CACNA2D3: variants seen among roughly 807,000 people sequenced by gnomAD.
CACNA2D3 encodes calcium voltage-gated channel auxiliary subunit alpha2delta 3.
CACNA2D3 carries 60 observed loss-of-function variants against 160.6 expected under a neutral mutation model. The observed-to-expected ratio is 0.37, with a 90% confidence interval of 0.30 to 0.46. The LOEUF (loss-of-function observed/expected upper bound fraction) is 0.46, where lower values mean the gene tolerates loss of function less well. Among genes scored for constraint, CACNA2D3 ranks in the 20% least tolerant of loss-of-function variants. CACNA2D3 has a pLI of 1.00. For missense variants in CACNA2D3, 1,205 were observed against 1,365.0 expected (o/e 0.88, Z 1.85); for synonymous variants, 558 against 492.9 (o/e 1.13, Z -1.75).
chr3:54,684,787 A>G (rs1700419564), intron 11 of CACNA2D3, among the ~76,000 whole-genome samples: 3 of 152,200 alleles, frequency 2.0e-5, no homozygotes, highest in Admixed American at 2.0e-4. Context: ...GAAGTTCTCA[A>G]GTGAACACAA....
At chr3:54,353,415 C>T (rs1698598050) in intron 3 of CACNA2D3, among the ~76,000 whole-genome samples, 1 of 152,012 alleles carries the variant, frequency 6.6e-6, no homozygotes, top group Non-Finnish European at 1.5e-5. Flanking sequence ...AGCAGTGTGG[C>T]CCTGGTTCAG....
chr3:54,331,525 G>GTCATCATTGATATCATCTCTGTTT (rs1704254967), intron 3 of CACNA2D3, among the ~76,000 whole-genome samples: 1 of 152,128 alleles, frequency 6.6e-6, no homozygotes, highest in Non-Finnish European at 1.5e-5. Flanking sequence ...CATCTCTGTT[G>GTCATCATTGATATCATCTCTGTTT]TCATCATGAT....
rs1276118577 is a variant in CACNA2D3 at position 54,247,806 on chromosome 3, T to G, written c.205-72636T>G. Among the ~76,000 whole-genome samples, 7 of 152,160 alleles carry G rather than the reference T, an allele frequency of 4.6e-5. No individual in the cohort carries two copies. In the South Asian group the frequency reaches 1.0e-3, roughly 23 times the overall value. On this transcript the variant is annotated intron_variant, in intron 2 of 37. Coordinates refer to ENST00000474759, the MANE Select transcript of CACNA2D3 (RefSeq NM_018398.3). ...CATATTGGGATGTCACATCTGAGAA[T>G]AGTGACCCACAATGCCCAACACCCA...
intron 2 of CACNA2D3, among the ~76,000 whole-genome samples, chr3:54,138,780 C>T (rs139727448): frequency 1.3e-5 from 2 of 152,294 alleles, no homozygotes; most frequent in African/African-American, 2.4e-5. Context: ...ATGGAAGAGC[C>T]AGGTGAAGGA....
chr3:54,541,688 G>T (rs1416864148), intron 5 of CACNA2D3, among the ~76,000 whole-genome samples: 2 of 152,188 alleles, frequency 1.3e-5, no homozygotes, highest in Admixed American at 1.3e-4. Context: ...TGGTGCTGCC[G>T]GAGGAAGTGG....
intron 4 of CACNA2D3, among the ~76,000 whole-genome samples, chr3:54,481,837 G>C (rs961942528): frequency 3.5e-4 from 53 of 152,298 alleles, no homozygotes; most frequent in African/African-American, 1.2e-3. Flanking sequence ...ATCTTTATGG[G>C]TGCAAATGTG....
chr3:54,277,199 GCCAGTGCCTATGT>G (rs1430198484), intron 2 of CACNA2D3, among the ~76,000 whole-genome samples: 1 of 152,180 alleles, frequency 6.6e-6, no homozygotes, highest in Non-Finnish European at 1.5e-5. Context: ...TTAAAATCCC[GCCAGTGCCTATGT>G]CCTGAATGAT....
intron 9 of CACNA2D3, among the ~76,000 whole-genome samples, chr3:54,607,691 T>A (rs941403874): frequency 5.3e-5 from 8 of 152,208 alleles, no homozygotes; most frequent in Non-Finnish European, 1.2e-4. Context: ...ATGGATACTG[T>A]ATGACTTTAC....
chr3:54,857,943 G>T (rs140936557), intron 17 of CACNA2D3, among the ~76,000 whole-genome samples: 61 of 152,172 alleles, frequency 4.0e-4, no homozygotes, highest in African/African-American at 1.4e-3. Flanking sequence ...ATAACTGAGA[G>T]TAGGCACTTT....
At chr3:54,280,767 A>G (rs991259432) in intron 2 of CACNA2D3, among the ~76,000 whole-genome samples, 3 of 151,940 alleles carry the variant, frequency 2.0e-5, no homozygotes, top group Non-Finnish European at 2.9e-5. Context: ...TGCATCATTC[A>G]TTCCCTCTCG....
chr3:54,928,692 C>G (rs918776760), intron 27 of CACNA2D3, among the ~76,000 whole-genome samples: 5 of 152,110 alleles, frequency 3.3e-5, no homozygotes, highest in African/African-American at 1.2e-4. Context: ...TGCTTGCTTG[C>G]TGCCCCCACA....
chr3:54,726,302 G>C (rs763738901), intron 11 of CACNA2D3, among the ~76,000 whole-genome samples: 17 of 152,194 alleles, frequency 1.1e-4, no homozygotes, highest in Middle Eastern at 3.2e-3. Flanking sequence ...CTCATGGTTA[G>C]GAAGAATCAA....
chr3:54,290,032 G>A (rs572484248), intron 2 of CACNA2D3, among the ~76,000 whole-genome samples: 80 of 151,046 alleles, frequency 5.3e-4, no homozygotes, highest in African/African-American at 1.8e-3. Flanking sequence ...CAAAAGCAAT[G>A]GCAACAAAAG....
intron 12 of CACNA2D3, among the ~76,000 whole-genome samples, chr3:54,763,641 G>A (rs1032831322): frequency 5.2e-5 from 7 of 134,164 alleles, no homozygotes; most frequent in Non-Finnish European, 1.1e-4. Context: ...GTGTGTGTGT[G>A]TGTGTATATA....
chr3:54,233,573 G>C (rs1701819065), intron 2 of CACNA2D3, among the ~76,000 whole-genome samples: 1 of 152,240 alleles, frequency 6.6e-6, no homozygotes, highest in Non-Finnish European at 1.5e-5. Context: ...CATAGCACTG[G>C]TGAAGTGGCA....
Position 54,285,531 on chromosome 3 carries a change from A to G in CACNA2D3, c.205-34911A>G, listed in dbSNP as rs575840339. 1.6e-4 allele frequency among the ~76,000 whole-genome samples: 24 copies of G among 152,352 alleles called. No individual in the cohort carries two copies. In the East Asian group the frequency reaches 4.4e-3, roughly 28 times the overall value. On this transcript the variant is annotated intron_variant, in intron 2 of 37. Transcript: ENST00000474759. ...GGGCACAGACAAACAAAAAGACAGC[A>G]GTAACCTCTGCAGACTTAAATGTCC...
At chr3:54,344,912 C>G (rs1698428758) in intron 3 of CACNA2D3, among the ~76,000 whole-genome samples, 1 of 152,146 alleles carries the variant, frequency 6.6e-6, no homozygotes, top group South Asian at 2.1e-4. Flanking sequence ...AGTAAAGGAG[C>G]CAGCCAAAAC....
rs888745976 is a variant in CACNA2D3, at chr3:54,639,200, G to C, written c.1054-2928G>C. On this transcript the variant is annotated intron_variant, in intron 10 of 37. Transcript: ENST00000474759. ...GCGGGACTTGCTGCTAAGGGTGAAG[G>C]AGAAGGGGTTGAGGGGTACTTGCCC... The C allele has an allele frequency of 3.3e-5, 5 of 151,914 alleles. No homozygotes were observed. In the East Asian group the frequency reaches 9.7e-4, roughly 29 times the overall value. The allele number at this position is 151,914 out of a possible 1,614,324, so 9.4% of individuals were successfully genotyped here.
intron 27 of CACNA2D3, among the ~76,000 whole-genome samples, chr3:54,952,690 C>A (rs890517558): frequency 6.6e-6 from 1 of 152,170 alleles, no homozygotes; most frequent in East Asian, 1.9e-4. Flanking sequence ...GGTTCAAATT[C>A]TGGTGCCCGC....
Sources: gnomAD v4.1 joint callset for allele counts (sites outside exome capture counted in the v4.1 genomes callset) on GRCh38, gnomAD v4.1.1 for gene constraint, MANE v1.5 for transcripts, NCBI Gene and HGNC (gene_info 2026-07-23, HGNC 2026-07-21) for gene names.